The following SZT2 variants were observed in gnomAD, a reference collection of about 807,000 sequenced individuals.
SZT2 encodes the protein SZT2 subunit of KICSTOR complex.
A neutral mutation model predicts 404.2 loss-of-function variants in SZT2; 216 were observed. That is an observed-to-expected ratio of 0.53 (90% CI 0.48 to 0.60). The LOEUF is 0.60. Among genes scored for constraint, SZT2 ranks in the 20% least tolerant of loss-of-function variants. The probability of loss-of-function intolerance (pLI) is 0.00; values close to 1 mark genes in which losing one functional copy is unlikely to be tolerated. For synonymous variants in SZT2, 1,693 were observed against 1,749.9 expected, an observed-to-expected ratio of 0.97 and a Z score of 0.81; for missense variants, 3,857 against 4,459.2, an observed-to-expected ratio of 0.86 and a Z score of 3.85.
chr1:43,453,621 C>T lies in SZT2; in HGVS notation c.*3141C>T, dbSNP rs1222145303. 10 of 1,500,114 alleles carry T rather than the reference C, an allele frequency of 6.7e-6. No individual in the cohort carries two copies. The Admixed American group carries it at 9.1e-5, about 14-fold the overall frequency. The allele number at this position is 1,500,114 out of a possible 1,614,324, so 92.9% of individuals were successfully genotyped here. ...CGGGGGCGTGTTGATCAGTACAAGC[C>T]GCAGCCCCGCTTCTCGCGCGGCGCG... On this transcript the variant is annotated 3_prime_UTR_variant, in exon 72 of 72. Coordinates refer to ENST00000634258, the MANE Select transcript of SZT2 (RefSeq NM_001365999.1).
chr1:43,398,287 G>A (rs1649242432), intron 1 of SZT2, among the ~76,000 whole-genome samples: 1 of 152,056 alleles, frequency 6.6e-6, no homozygotes, highest in South Asian at 2.1e-4. Context: ...GTGGTGGTGG[G>A]GAGAAAAAAC....
In SZT2 at chr1:43,420,459, A is replaced by G; in HGVS notation, c.1261+136A>G. On this transcript the variant is annotated intron_variant, in intron 9 of 71. Coordinates refer to ENST00000634258, the MANE Select transcript of SZT2 (RefSeq NM_001365999.1). The surrounding 1 kb of genome is among the most constrained non-coding windows in gnomAD (Gnocchi z 5.1). ...TTGAGACAGTGGGTTTTGAATTGTC[A>G]TCAGGGCTTAATTCTCTTAGCATGG... 8.3e-7 allele frequency: 1 copy of G among 1,204,606 alleles called. No individual in the cohort carries two copies. The highest frequency in any genetic ancestry group is 1.6e-5 in the South Asian group (1 of 62,652). 74.6% of individuals were successfully genotyped at this position (1,204,606 alleles called of 1,614,324 possible).
chr1:43,441,732 C>T lies in SZT2; in HGVS notation c.7656C>T (p.Phe2552=). The change falls in exon 55 of 72, where the codon TTC becomes TTT. Residue 2552 remains phenylalanine (F), a synonymous_variant. Transcript: ENST00000634258. The surrounding 1 kb of genome is among the most constrained non-coding windows in gnomAD (Gnocchi z 4.8). The part of the protein sequence containing the change: ...SRSSAHMVSR[F]LLPSILSEFT... ...GCTCTGCCCACATGGTGTCCCGGTT[C>T]CTCCTTCCATCCATCCTGTCTGAGT... The T allele has an allele frequency of 6.2e-7, 1 of 1,614,214 alleles. No homozygotes were observed. The highest frequency in any genetic ancestry group is 8.5e-7 in the Non-Finnish European group (1 of 1,180,028).
chr1:43,441,809 A>G lies in SZT2; in HGVS notation c.7733A>G (p.Glu2578Gly), dbSNP rs771174426. 1.9e-6 allele frequency: 3 copies of G among 1,614,042 alleles called. No individual in the cohort carries two copies. The highest frequency in any genetic ancestry group is 4.5e-5 in the East Asian group (2 of 44,890). ...GGAGACACCAGTGTCCGCATCTTTGAGCAGCATTTGTGAGTGTAGATCCTA... is the reference window on the plus strand; with the variant it reads ...GGAGACACCAGTGTCCGCATCTTTGGGCAGCATTTGTGAGTGTAGATCCTA... Reference protein sequence around the residue: ...MAGDTSVRIFEQHLGSEPEIF... With the variant: ...MAGDTSVRIFGQHLGSEPEIF... Residue 2578 changes from glutamate (E) to glycine (G), a missense_variant, in exon 55 of 72, where the codon GAG becomes GGG. By Grantham distance (98) the Glu-to-Gly change is moderately conservative. This residue lies in a region of SZT2 where 573 missense variants were observed against 592.4 expected (regional missense o/e 0.97). Transcript: ENST00000634258. This position sits in a 1 kb window ranked among gnomAD's most constrained non-coding sequence, Gnocchi z 4.8.
rs1656496192 is a variant in SZT2 at position 43,452,059 on chromosome 1, G to T, written c.*1579G>T. 2 of 1,571,346 alleles carry T rather than the reference G, an allele frequency of 1.3e-6. No homozygotes were observed. Among genetic ancestry groups the T allele is most frequent in the African/African-American group, 1.3e-5 (1 of 74,338 alleles). On this transcript the variant is annotated 3_prime_UTR_variant, in exon 72 of 72. Transcript: ENST00000634258. ...GTGAATAGAGCTCCTTCCCAAGTTT[G>T]TCCCCCATCAGTCAGTCACTGGTCA...
intron 3 of SZT2, 96 bp downstream of exon 3, chr1:43,403,870 C>T: frequency 7.2e-7 from 1 of 1,386,390 alleles, no homozygotes; most frequent in South Asian, 1.2e-5. Flanking sequence ...TCCCAGCCTA[C>T]CATTTTGGAG....
chr1:43,437,920 G>A lies in SZT2; in HGVS notation c.6508+18G>A, dbSNP rs770022124. 3.7e-6 allele frequency: 6 copies of A among 1,613,254 alleles called. No individual in the cohort carries two copies. The Admixed American group carries it at 6.7e-5, about 18-fold the overall frequency. On this transcript the variant is annotated intron_variant, in intron 46 of 71. Coordinates refer to ENST00000634258, the MANE Select transcript of SZT2 (RefSeq NM_001365999.1). This position sits in a 1 kb window ranked among gnomAD's most constrained non-coding sequence, Gnocchi z 5.3. ...GCAGGCAGGTAAGGTCTGAGGAGGGGGTAGGGGAGTCGCCACATGAGGTTC... is the reference window on the plus strand; with the variant it reads ...GCAGGCAGGTAAGGTCTGAGGAGGGAGTAGGGGAGTCGCCACATGAGGTTC...
In SZT2 at chr1:43,420,429, A is replaced by G. The variant is rs1652216538; in HGVS notation, c.1261+106A>G. 1 of 1,349,776 alleles carries G rather than the reference A, an allele frequency of 7.4e-7. No individual in the cohort carries two copies. The highest frequency in any genetic ancestry group is 9.8e-7 in the Non-Finnish European group (1 of 1,015,648). The allele number at this position is 1,349,776 out of a possible 1,614,324, so 83.6% of individuals were successfully genotyped here. A position where few individuals can be genotyped will look rare whatever the true frequency, so the allele number is the denominator to read the frequency against. On this transcript the variant is annotated intron_variant, in intron 9 of 71. Coordinates refer to ENST00000634258, the MANE Select transcript of SZT2 (RefSeq NM_001365999.1). This position sits in a 1 kb window ranked among gnomAD's most constrained non-coding sequence, Gnocchi z 5.1. The stretch of plus-strand genomic sequence containing the variant: ...GAAAGAGTGTCACATTGAAGTCCTT[A>G]TCACTTGAGACAGTGGGTTTTGAAT...
At chr1:43,390,270 T>C (rs957413078) in intron 1 of SZT2, among the ~76,000 whole-genome samples, 2 of 152,234 alleles carry the variant, frequency 1.3e-5, no homozygotes, top group East Asian at 3.8e-4. Context: ...CTTATAGCGG[T>C]GTTAACAAAA....
In SZT2 at chr1:43,447,093, C is replaced by A. The variant is rs1460090385; in HGVS notation, c.9211C>A (p.Leu3071Ile). ...TCTGGTGCTGCGGCACGGCTACCACCTCACCACCTTTCTGCGACACTTCCT... is the reference window on the plus strand; with the variant it reads ...TCTGGTGCTGCGGCACGGCTACCACATCACCACCTTTCTGCGACACTTCCT... ...AHLVLRHGYH[L>I]TTFLRHFLAH... Residue 3071 changes from leucine (L) to isoleucine (I), a missense_variant, in exon 66 of 72, where the codon CTC (leucine) becomes ATC (isoleucine). By Grantham distance (5) the Leu-to-Ile change is conservative (BLOSUM62 2). Transcript: ENST00000634258. 6.2e-7 allele frequency: 1 copy of A among 1,613,994 alleles called. No individual in the cohort carries two copies. The highest frequency in any genetic ancestry group is 1.7e-5 in the Admixed American group (1 of 60,022).
At position 43,430,307 on chromosome 1, in the gene SZT2, C is replaced by T. The variant is rs759329615; in HGVS notation, c.4402-4C>T. Reference sequence around the variant, plus strand: ...TCATCATCTTGCTTCATTCTTTTGCCTAGGATGAGGGGCCTCGGGACACAG... The same window carrying T: ...TCATCATCTTGCTTCATTCTTTTGCTTAGGATGAGGGGCCTCGGGACACAG... On this transcript the variant is annotated splice_polypyrimidine_tract_variant and splice_region_variant and intron_variant, in intron 30 of 71. Coordinates refer to ENST00000634258, the MANE Select transcript of SZT2 (RefSeq NM_001365999.1). 2 of 1,613,786 alleles carry T rather than the reference C, an allele frequency of 1.2e-6. No individual in the cohort carries two copies. Among genetic ancestry groups the T allele is most frequent in the Non-Finnish European group, 1.7e-6 (2 of 1,179,914 alleles).
Position 43,442,879 on chromosome 1 carries a change from C to G in SZT2, c.8212C>G (p.Pro2738Ala), listed in dbSNP as rs749217751. The part of the protein sequence containing the change: ...EVETLIRSAS[P>A]PLSREQGRLS... ...GGAGACCCTCATCCGGAGTGCAAGT[C>G]CCCCGCTGAGCCGTGAGCAGGGCCG... Residue 2738 changes from proline (P) to alanine (A), a missense_variant, in exon 59 of 72, where the codon CCC (proline) becomes GCC (alanine). Coordinates refer to ENST00000634258, the MANE Select transcript of SZT2 (RefSeq NM_001365999.1). This position sits in a 1 kb window ranked among gnomAD's most constrained non-coding sequence, Gnocchi z 4.5. The G allele has an allele frequency of 1.2e-5, 20 of 1,613,522 alleles. No homozygotes were observed. Among genetic ancestry groups the G allele is most frequent in the African/African-American group, 8.0e-5 (6 of 74,908 alleles).
At position 43,452,082 on chromosome 1, in the gene SZT2, T is replaced by G. The variant is rs1183559956; in HGVS notation, c.*1602T>G. On this transcript the variant is annotated 3_prime_UTR_variant, in exon 72 of 72. Coordinates refer to ENST00000634258, the MANE Select transcript of SZT2 (RefSeq NM_001365999.1). The stretch of plus-strand genomic sequence containing the variant: ...TTGTCCCCCATCAGTCAGTCACTGG[T>G]CAAGGCCCTCACCTGTTCCTCTGAC... The G allele has an allele frequency of 1.6e-5, 25 of 1,535,224 alleles. No homozygotes were observed. Among genetic ancestry groups the G allele is most frequent in the Non-Finnish European group, 2.2e-5 (25 of 1,119,086 alleles).
At chr1:43,422,952 C>A in intron 14 of SZT2, 69 bp downstream of exon 14, 1 of 1,504,610 alleles carries the variant, frequency 6.6e-7, no homozygotes. Flanking sequence ...CTCCCCAAAC[C>A]CCACAGGGCC....
chr1:43,393,170 G>A (rs902020594), intron 1 of SZT2, among the ~76,000 whole-genome samples: 1 of 152,200 alleles, frequency 6.6e-6, no homozygotes, highest in Non-Finnish European at 1.5e-5. Flanking sequence ...TCTAAAAGAA[G>A]AGGCAGAGAG....
At chr1:43,400,972 A>T (rs1186375596) in intron 1 of SZT2, among the ~76,000 whole-genome samples, 1 of 151,950 alleles carries the variant, frequency 6.6e-6, no homozygotes, top group Non-Finnish European at 1.5e-5. Context: ...CTCAGGCTGG[A>T]GTGCCATGGT....
chr1:43,453,751 G>C lies in SZT2; in HGVS notation c.*3271G>C. The C allele has an allele frequency of 4.3e-6, 6 of 1,379,824 alleles. No individual in the cohort carries two copies. In the South Asian group the frequency reaches 8.7e-5, roughly 20 times the overall value. The allele number at this position is 1,379,824 out of a possible 1,614,324, so 85.5% of individuals were successfully genotyped here. A position where few individuals can be genotyped will look rare whatever the true frequency, so the allele number is the denominator to read the frequency against. ...CGCGCGGGGAGGCCGGAGAGCTCGGGGAATAGCCAGGACAGATTGGCGGAG... is the reference window on the plus strand; with the variant it reads ...CGCGCGGGGAGGCCGGAGAGCTCGGCGAATAGCCAGGACAGATTGGCGGAG... On this transcript the variant is annotated 3_prime_UTR_variant, in exon 72 of 72. Coordinates refer to ENST00000634258, the MANE Select transcript of SZT2 (RefSeq NM_001365999.1).
At chr1:43,403,344 A>C in intron 2 of SZT2, 42 bp downstream of exon 2, 1 of 1,592,854 alleles carries the variant, frequency 6.3e-7, no homozygotes, top group African/African-American at 1.3e-5. Flanking sequence ...GCCAGCCCAG[A>C]AGGATCTGTT....
At position 43,451,369 on chromosome 1, in the gene SZT2, C is replaced by G; in HGVS notation, c.*889C>G. On this transcript the variant is annotated 3_prime_UTR_variant, in exon 72 of 72. Transcript: ENST00000634258. The stretch of plus-strand genomic sequence containing the variant: ...CCACAAGGAGAAAACAGCCCCTGTC[C>G]GGGTCCCTCCAGAGCTCCCTTCCCC... 2 of 1,612,068 alleles carry G rather than the reference C, an allele frequency of 1.2e-6. No homozygotes were observed. The highest frequency in any genetic ancestry group is 1.7e-5 in the Admixed American group (1 of 60,030).
Sources: gnomAD v4.1 joint callset for allele counts (sites outside exome capture counted in the v4.1 genomes callset) on GRCh38, gnomAD v4.1.1 for gene constraint, gnomAD v4.1.1 regional missense constraint, Gnocchi (gnomAD v3.1) non-coding constraint, MANE v1.5 for transcripts, NCBI Gene and HGNC (gene_info 2026-07-23, HGNC 2026-07-21) for gene names.